Variants in SMC3 observed in about 807,000 individuals in gnomAD.
SMC3 encodes the protein structural maintenance of chromosomes 3, also known as structural maintenance of chromosomes protein 3.
In SMC3, 20 loss-of-function variants were observed where a neutral mutation model predicts 171.8. That is an observed-to-expected ratio of 0.12 (90% CI 0.08 to 0.17). The LOEUF is 0.17. Among genes scored for constraint, SMC3 ranks in the 10% least tolerant of loss-of-function variants. SMC3 has a pLI of 1.00. For missense variants in SMC3, 543 were observed against 1,420.4 expected, an observed-to-expected ratio of 0.38 and a Z score of 9.93; for synonymous variants, 464 against 451.1, an observed-to-expected ratio of 1.03 and a Z score of -0.36.
rs556267640 is a variant in SMC3 at position 110,589,258 on chromosome 10, A to G, written c.1306-347A>G. 2.0e-5 allele frequency among the ~76,000 whole-genome samples: 3 copies of G among 152,260 alleles called. No individual in the cohort carries two copies. In the South Asian group the frequency reaches 6.2e-4, roughly 32 times the overall value. The stretch of plus-strand genomic sequence containing the variant: ...CAAAAAACAAAAAAAACAAACTGAA[A>G]TTGGATTTTTCAACAGCATCATTGA... On this transcript the variant is annotated intron_variant, in intron 13 of 28. Coordinates refer to ENST00000361804, the MANE Select transcript of SMC3 (RefSeq NM_005445.4).
rs750342692 is a variant in SMC3 at position 110,604,348 on chromosome 10, G to T, written c.*46G>T. 4 of 1,326,912 alleles carry T rather than the reference G, an allele frequency of 3.0e-6. No individual in the cohort carries two copies. In the South Asian group the frequency reaches 4.7e-5, roughly 16 times the overall value. 82.2% of individuals were successfully genotyped at this position (1,326,912 alleles called of 1,614,324 possible). A position where few individuals can be genotyped will look rare whatever the true frequency, so the allele number is the denominator to read the frequency against. ...GTTTGGGAGATGTATATAGTAATAT[G>T]ATTCTCATACCCAGGAACTGTAAAT... On this transcript the variant is annotated 3_prime_UTR_variant, in exon 29 of 29. Transcript: ENST00000361804.
intron 19 of SMC3, among the ~76,000 whole-genome samples, chr10:110,597,306 G>A (rs1039095281): frequency 2.6e-5 from 4 of 152,058 alleles, no homozygotes; most frequent in Non-Finnish European, 5.9e-5. Flanking sequence ...GCTGCATGAG[G>A]AGTGGTTAGT....
At chr10:110,570,134 C>T (rs992987575) in intron 2 of SMC3, among the ~76,000 whole-genome samples, 1 of 152,194 alleles carries the variant, frequency 6.6e-6, no homozygotes, top group Non-Finnish European at 1.5e-5. Flanking sequence ...TTATGGACAG[C>T]TGCTGTCTTG....
chr10:110,590,392 T>C lies in SMC3; in HGVS notation c.1510-20T>C. On this transcript the variant is annotated intron_variant, in intron 15 of 28. Coordinates refer to ENST00000361804, the MANE Select transcript of SMC3 (RefSeq NM_005445.4). The stretch of plus-strand genomic sequence containing the variant: ...ATTGATGATATTATTTTAATATTTT[T>C]CATTTCTGACAACTTACAGGCCATT... 1 of 1,606,372 alleles carries C rather than the reference T, an allele frequency of 6.2e-7. No homozygotes were observed. Among genetic ancestry groups the C allele is most frequent in the South Asian group, 1.1e-5 (1 of 90,844 alleles).
At chr10:110,568,461 A>T in intron 1 of SMC3, 1 of 176,426 alleles carries the variant, frequency 5.7e-6, no homozygotes, top group Non-Finnish European at 1.2e-5. Flanking sequence ...GCCCAGGCAC[A>T]CGGCCTTGGA....
chr10:110,592,291 G>A (rs924740156), intron 17 of SMC3, among the ~76,000 whole-genome samples: 1 of 151,578 alleles, frequency 6.6e-6, no homozygotes, highest in Admixed American at 6.6e-5. Flanking sequence ...TTATAGAACT[G>A]GGAAGTGCAA....
intron 4 of SMC3, among the ~76,000 whole-genome samples, chr10:110,575,981 C>G (rs1349721604): frequency 6.6e-6 from 1 of 152,126 alleles, no homozygotes; most frequent in Non-Finnish European, 1.5e-5. Context: ...TTGTTTTAGC[C>G]ATATTTGTAC....
chr10:110,602,414 A>T, intron 25 of SMC3, 60 bp from the exon 26 acceptor site: 1 of 1,327,458 alleles, frequency 7.5e-7, no homozygotes, highest in South Asian at 1.2e-5. Flanking sequence ...TAAATATTTT[A>T]CTTAAGTGTT....
intron 1 of SMC3, 88 bp from the exon 2 acceptor site, chr10:110,568,850 A>G (rs1040238910): frequency 2.5e-6 from 2 of 802,152 alleles, no homozygotes; most frequent in Non-Finnish European, 4.3e-6. Flanking sequence ...TCTATATTGC[A>G]TTAAATGAAA....
chr10:110,595,356 G>A (rs531794486), intron 18 of SMC3, among the ~76,000 whole-genome samples: 14 of 152,158 alleles, frequency 9.2e-5, no homozygotes, highest in African/African-American at 3.4e-4. Context: ...TCCATTTTCT[G>A]GATTTGTCTT....
chr10:110,581,641 T>A (rs551931939), intron 8 of SMC3, among the ~76,000 whole-genome samples: 1 of 152,370 alleles, frequency 6.6e-6, no homozygotes, highest in East Asian at 1.9e-4. Flanking sequence ...TTAACCCATT[T>A]ATGCCTAGCA....
At chr10:110,570,430 CTT>C (rs10708289) in intron 2 of SMC3, among the ~76,000 whole-genome samples, 1 of 151,962 alleles carries the variant, frequency 6.6e-6, no homozygotes, top group East Asian at 1.9e-4. Flanking sequence ...AGAAGGCATA[CTT>C]TTTTTTTCCC....
Position 110,596,570 on chromosome 10 carries a change from A to C in SMC3, c.2116+20A>C, listed in dbSNP as rs749988258. On this transcript the variant is annotated intron_variant, in intron 19 of 28. Transcript: ENST00000361804. ...TTGAAAATATCTTTTTGTTTTGTGC[A>C]TAGTGATAGATATTGTGGGGGAAGA... 2.7e-5 allele frequency: 44 copies of C among 1,609,172 alleles called. No individual in the cohort carries two copies. The highest frequency in any genetic ancestry group is 4.0e-5 in the African/African-American group (3 of 74,854).
chr10:110,576,872 G>T (rs1413333052), intron 4 of SMC3, among the ~76,000 whole-genome samples: 1 of 152,174 alleles, frequency 6.6e-6, no homozygotes, highest in South Asian at 2.1e-4. Flanking sequence ...TGTTAAATGT[G>T]TATATTTCTA....
intron 15 of SMC3, 53 bp from the exon 16 acceptor site, chr10:110,590,358 AG>A: frequency 6.9e-7 from 1 of 1,445,660 alleles, no homozygotes; most frequent in Non-Finnish European, 9.7e-7. Context: ...ATTCCTTACC[AG>A]GAGTGCCATT....
intron 1 of SMC3, among the ~76,000 whole-genome samples, chr10:110,568,654 A>G (rs1236087986): frequency 6.6e-6 from 1 of 152,150 alleles, no homozygotes; most frequent in Non-Finnish European, 1.5e-5. Context: ...GGTTCAGTTA[A>G]GCTCACACAG....
intron 19 of SMC3, 122 bp from the exon 20 acceptor site, chr10:110,598,017 G>A (rs1861328265): frequency 1.2e-6 from 1 of 859,982 alleles, no homozygotes; most frequent in Non-Finnish European, 1.9e-6. Context: ...CCATAAATTT[G>A]AGGACATAAA....
intron 22 of SMC3, 60 bp downstream of exon 22, chr10:110,600,606 A>T: frequency 1.2e-6 from 1 of 857,546 alleles, no homozygotes; most frequent in Admixed American, 1.8e-5. Flanking sequence ...ACCTATTGCA[A>T]GTGGTTATAT....
intron 19 of SMC3, among the ~76,000 whole-genome samples, chr10:110,597,083 G>T (rs1861311747): frequency 6.6e-6 from 1 of 150,916 alleles, no homozygotes; most frequent in South Asian, 2.1e-4. Context: ...GGTGGAGGTT[G>T]CGGTGAGCTG....
Sources: allele counts gnomAD v4.1 joint callset (sites outside exome capture counted in the v4.1 genomes callset), GRCh38; gene constraint gnomAD v4.1.1; transcripts MANE v1.5; gene names NCBI Gene and HGNC (gene_info 2026-07-23, HGNC 2026-07-21).